ATRNL1: variants seen among roughly 807,000 people sequenced by gnomAD.
The protein encoded by ATRNL1 is attractin-like protein 1.
In ATRNL1, 95 loss-of-function variants were observed where a neutral mutation model predicts 182.7. The ratio of observed to expected loss-of-function variants is 0.52; its 90% confidence interval spans 0.44 to 0.62. The LOEUF (loss-of-function observed/expected upper bound fraction) is 0.62, where lower values mean the gene tolerates loss of function less well. Ranked by LOEUF, ATRNL1 falls within the 20% of genes least tolerant of loss-of-function variation. ATRNL1 has a pLI of 0.00. For missense variants in ATRNL1, 1,471 were observed against 1,679.5 expected, an observed-to-expected ratio of 0.88 and a Z score of 2.17; for synonymous variants, 576 against 568.3, an observed-to-expected ratio of 1.01 and a Z score of -0.19.
chr10:115,851,891 A>G (rs1951065401), intron 28 of ATRNL1, among the ~76,000 whole-genome samples: 1 of 152,204 alleles, frequency 6.6e-6, no homozygotes, highest in Non-Finnish European at 1.5e-5. Flanking sequence ...AGGACACATT[A>G]AGTAACTCTC....
At chr10:115,797,980 C>T (rs181670216) in intron 27 of ATRNL1, among the ~76,000 whole-genome samples, 44 of 152,222 alleles carry the variant, frequency 2.9e-4, no homozygotes, top group African/African-American at 7.9e-4. Flanking sequence ...TGCAGTGGCA[C>T]GATCTCCGCT....
chr10:115,591,265 A>C (rs576448884), intron 26 of ATRNL1, among the ~76,000 whole-genome samples: 2 of 152,336 alleles, frequency 1.3e-5, no homozygotes, highest in South Asian at 4.1e-4. Flanking sequence ...ATTTCCCACA[A>C]GATAACATAG....
At chr10:115,714,665 A>T (rs1443909819) in intron 26 of ATRNL1, among the ~76,000 whole-genome samples, 1 of 152,144 alleles carries the variant, frequency 6.6e-6, no homozygotes, top group African/African-American at 2.4e-5. Context: ...CAATAGATTC[A>T]TTATTGATTG....
intron 18 of ATRNL1, among the ~76,000 whole-genome samples, chr10:115,316,932 G>A (rs1327953765): frequency 6.6e-6 from 1 of 152,066 alleles, no homozygotes; most frequent in Non-Finnish European, 1.5e-5. Context: ...CATCTTATTT[G>A]TCAATTTTGA....
intron 8 of ATRNL1, among the ~76,000 whole-genome samples, chr10:115,200,609 T>G (rs1848531603): frequency 7.1e-6 from 1 of 141,210 alleles, no homozygotes; most frequent in Admixed American, 7.1e-5. Flanking sequence ...TGCCACATTT[T>G]CTTAATCCAG....
rs144414404 is a variant in ATRNL1 at position 115,161,056 on chromosome 10, T to G, written c.1004+842T>G. On this transcript the variant is annotated intron_variant, in intron 6 of 28. Coordinates refer to ENST00000355044, the MANE Select transcript of ATRNL1 (RefSeq NM_207303.4). ...GCCCTTTTGCTGTATATATATATATTTTTTACAAATTTTGCATGGGTCATT... is the reference window on the plus strand; with the variant it reads ...GCCCTTTTGCTGTATATATATATATGTTTTACAAATTTTGCATGGGTCATT... Among the ~76,000 whole-genome samples the G allele has an allele frequency of 5.1e-3, 772 of 151,876 alleles. 2 individuals are homozygous for G. Among genetic ancestry groups the G allele is most frequent in the South Asian group, 0.028 (135 of 4,820 alleles).
At chr10:115,309,309 G>A (rs149240324) in intron 17 of ATRNL1, among the ~76,000 whole-genome samples, 355 of 152,024 alleles carry the variant, frequency 2.3e-3, no homozygotes, top group African/African-American at 8.2e-3. Context: ...AATTCTGTGA[G>A]AAGTGATGTT....
At chr10:115,121,028 A>G (rs1844704370) in intron 2 of ATRNL1, among the ~76,000 whole-genome samples, 1 of 152,190 alleles carries the variant, frequency 6.6e-6, no homozygotes, top group Admixed American at 6.5e-5. Context: ...TTTGTATACA[A>G]CAAAATGCAC....
chr10:115,313,893 A>G (rs1854162451), intron 17 of ATRNL1, among the ~76,000 whole-genome samples: 1 of 152,184 alleles, frequency 6.6e-6, no homozygotes, highest in South Asian at 2.1e-4. Context: ...TGTCCTATTG[A>G]TAGCATAGTA....
intron 5 of ATRNL1, among the ~76,000 whole-genome samples, chr10:115,148,753 T>TTG (rs1214767083): frequency 3.3e-5 from 5 of 149,894 alleles, no homozygotes; most frequent in African/African-American, 4.9e-5. Context: ...CGTTTTTTTT[T>TTG]TTTTTTTTTT....
At chr10:115,441,281 TCC>T (rs1554965664) in intron 21 of ATRNL1, among the ~76,000 whole-genome samples, 3 of 151,912 alleles carry the variant, frequency 2.0e-5, no homozygotes, top group African/African-American at 7.2e-5. Flanking sequence ...CTTATACTTC[TCC>T]AACTATTGCA....
chr10:115,762,021 T>A (rs1948744602), intron 27 of ATRNL1, among the ~76,000 whole-genome samples: 1 of 152,110 alleles, frequency 6.6e-6, no homozygotes, highest in Admixed American at 6.5e-5. Context: ...ACAATAAACA[T>A]CTCCAAATTA....
At chr10:115,365,153 A>C (rs1176867529) in intron 19 of ATRNL1, among the ~76,000 whole-genome samples, 1 of 150,934 alleles carries the variant, frequency 6.6e-6, no homozygotes, top group Non-Finnish European at 1.5e-5. Context: ...CTGGTCCTGG[A>C]CTCTTTTTGG....
At chr10:115,574,718 G>A (rs1288578661) in intron 26 of ATRNL1, among the ~76,000 whole-genome samples, 1 of 152,120 alleles carries the variant, frequency 6.6e-6, no homozygotes, top group Non-Finnish European at 1.5e-5. Context: ...TCTGGCCATT[G>A]CTGATACCAA....
rs1345099805 is a variant in ATRNL1, at chr10:115,946,114, A to C, written c.*1335A>C. The C allele has an allele frequency of 3.3e-5, 5 of 152,264 alleles. No individual in the cohort carries two copies. The highest frequency in any genetic ancestry group is 7.3e-5 in the Non-Finnish European group (5 of 68,056). 9.4% of individuals were successfully genotyped at this position (152,264 alleles called of 1,614,324 possible). A position where few individuals can be genotyped will look rare whatever the true frequency, so the allele number is the denominator to read the frequency against. On this transcript the variant is annotated 3_prime_UTR_variant, in exon 29 of 29. Coordinates refer to ENST00000355044, the MANE Select transcript of ATRNL1 (RefSeq NM_207303.4). ...ACTTCAGGGTGACAAGATATGTATA[A>C]CAGTGACAGAAATCTCCAAAGCTGC...
At chr10:115,374,451 C>T (rs1403193515) in intron 19 of ATRNL1, among the ~76,000 whole-genome samples, 2 of 121,858 alleles carry the variant, frequency 1.6e-5, no homozygotes, top group African/African-American at 3.0e-5. Context: ...CTCCTTCCTT[C>T]CTTTCCTTCC....
At chr10:115,713,568 T>G (rs1429339065) in intron 26 of ATRNL1, among the ~76,000 whole-genome samples, 2 of 151,952 alleles carry the variant, frequency 1.3e-5, no homozygotes, top group African/African-American at 4.8e-5. Flanking sequence ...GTTGGCTACT[T>G]AAGCCTAACA....
chr10:115,925,769 C>G (rs1217904308), intron 28 of ATRNL1, among the ~76,000 whole-genome samples: 1 of 152,038 alleles, frequency 6.6e-6, no homozygotes. Flanking sequence ...ATAAAACAAG[C>G]TCTCAGAAAC....
At chr10:115,776,836 A>T (rs1356220710) in intron 27 of ATRNL1, among the ~76,000 whole-genome samples, 1 of 152,108 alleles carries the variant, frequency 6.6e-6, no homozygotes, top group Non-Finnish European at 1.5e-5. Context: ...GGTTACTGCC[A>T]TTTGCAGCAG....
Sources: gnomAD v4.1 joint callset for allele counts (sites outside exome capture counted in the v4.1 genomes callset) on GRCh38, gnomAD v4.1.1 for gene constraint, MANE v1.5 for transcripts, NCBI Gene and HGNC (gene_info 2026-07-23, HGNC 2026-07-21) for gene names.